RBKS: variants seen among roughly 807,000 people sequenced by gnomAD.
RBKS encodes ribokinase.
Under a neutral mutation model 33.9 loss-of-function variants are expected in RBKS, and 33 were observed. The observed-to-expected ratio is 0.97, with a 90% CI of 0.74 to 1.30. RBKS has a LOEUF of 1.30. Among genes scored for constraint, RBKS ranks in the 50% most tolerant of loss-of-function variants. RBKS has a pLI of 0.00. For synonymous variants in RBKS, 125 were observed against 143.0 expected (o/e 0.87, Z 0.90); for missense variants, 361 against 392.6 (o/e 0.92, Z 0.68).
chr2:27,822,607 C>G (rs181878680), intron 7 of RBKS, among the ~76,000 whole-genome samples: 3 of 152,222 alleles, frequency 2.0e-5, no homozygotes, highest in African/African-American at 7.2e-5. Flanking sequence ...CAGAAATTAT[C>G]TCTACTTCTT....
rs756280443 is a variant in RBKS, at chr2:27,858,577, G to A, written c.90-6C>T. The A allele has an allele frequency of 2.5e-6, 4 of 1,609,226 alleles. No individual in the cohort carries two copies. The highest frequency in any genetic ancestry group is 3.4e-6 in the Non-Finnish European group (4 of 1,178,288). ...TTGGCAAACGAGAAGTAAGACTATT[G>A]TAATTTAAAAAGAGAAGAAAAAAGC... On this transcript the variant is annotated splice_polypyrimidine_tract_variant and splice_region_variant and intron_variant, in intron 1 of 7. Coordinates refer to ENST00000302188, the MANE Select transcript of RBKS (RefSeq NM_022128.3).
chr2:27,800,898 C>A (rs1469288448), intron 7 of RBKS, among the ~76,000 whole-genome samples: 2 of 152,282 alleles, frequency 1.3e-5, no homozygotes, highest in East Asian at 3.9e-4. Context: ...GAAATCCATT[C>A]CCCATGCTTT....
chr2:27,817,948 C>T (rs1403763734), intron 7 of RBKS, among the ~76,000 whole-genome samples: 1 of 152,168 alleles, frequency 6.6e-6, no homozygotes, highest in Non-Finnish European at 1.5e-5. Context: ...CTGGGGATTA[C>T]AATTCGAGAT....
At chr2:27,839,998 CT>C (rs1195900520) in intron 5 of RBKS, among the ~76,000 whole-genome samples, 3 of 151,380 alleles carry the variant, frequency 2.0e-5, no homozygotes, top group Non-Finnish European at 4.4e-5. Flanking sequence ...CAATGGTCTC[CT>C]TTCATTATAC....
At position 27,890,146 on chromosome 2, in the gene RBKS, C is replaced by T. The variant is rs967930469; in HGVS notation, c.89+111G>A. ...GAAAACCTGCAGCTCATACCCAAAG[C>T]TAGCACTGTCTATCCCTGGAGACCC... On this transcript the variant is annotated intron_variant, in intron 1 of 7. Transcript: ENST00000302188. The surrounding 1 kb of genome is among the most constrained non-coding windows in gnomAD (Gnocchi z 4.8). 14 of 946,858 alleles carry T rather than the reference C, an allele frequency of 1.5e-5. No homozygotes were observed. The African/African-American group carries it at 2.1e-4, about 14-fold the overall frequency. The allele number at this position is 946,858 out of a possible 1,614,324, so 58.7% of individuals were successfully genotyped here. A position where few individuals can be genotyped will look rare whatever the true frequency, so the allele number is the denominator to read the frequency against.
intron 7 of RBKS, among the ~76,000 whole-genome samples, chr2:27,793,063 A>T (rs1417576231): frequency 6.6e-6 from 1 of 152,246 alleles, no homozygotes. Context: ...CAATTTACTT[A>T]AAGGATTCTG....
At chr2:27,858,157 T>C (rs112950821) in intron 2 of RBKS, among the ~76,000 whole-genome samples, 2 of 152,312 alleles carry the variant, frequency 1.3e-5, no homozygotes, top group African/African-American at 4.8e-5. Flanking sequence ...CCCGAATAGA[T>C]AAATCCATAG....
At chr2:27,885,869 A>T (rs977132381) in intron 1 of RBKS, among the ~76,000 whole-genome samples, 13 of 152,224 alleles carry the variant, frequency 8.5e-5, no homozygotes, top group Admixed American at 4.6e-4. Context: ...TCTTGAATGA[A>T]TAATTAAAAA....
chr2:27,820,955 G>T (rs962558783), intron 7 of RBKS, among the ~76,000 whole-genome samples: 1 of 147,052 alleles, frequency 6.8e-6, no homozygotes, highest in South Asian at 2.1e-4. Context: ...CAGGAGAATC[G>T]CTTGAACCGG....
At chr2:27,797,201 T>C (rs1442819545) in intron 7 of RBKS, among the ~76,000 whole-genome samples, 3 of 151,886 alleles carry the variant, frequency 2.0e-5, no homozygotes, top group Admixed American at 1.3e-4. Context: ...CCAGGGGAGG[T>C]AGGCTTATTT....
Position 27,832,655 on chromosome 2 carries a change from TCATAGAATGAG to T in RBKS, c.606+20_606+30del, listed in dbSNP as rs759948813. ...TCCACTTGTACAAACTTTTGGTTTC[TCATAGAATGAG>T]CAAAGCAATTCACCCTTACCTCACT... On this transcript the variant is annotated intron_variant, in intron 6 of 7. Coordinates refer to ENST00000302188, the MANE Select transcript of RBKS (RefSeq NM_022128.3). 1 of 1,475,904 alleles carries T rather than the reference TCATAGAATGAG, an allele frequency of 6.8e-7. No individual in the cohort carries two copies. The highest frequency in any genetic ancestry group is 9.5e-7 in the Non-Finnish European group (1 of 1,054,150). The allele number at this position is 1,475,904 out of a possible 1,614,324, so 91.4% of individuals were successfully genotyped here.
At chr2:27,845,335 C>G (rs1420126771) in intron 4 of RBKS, among the ~76,000 whole-genome samples, 1 of 152,202 alleles carries the variant, frequency 6.6e-6, no homozygotes, top group Non-Finnish European at 1.5e-5. Flanking sequence ...TTTAAAGGAG[C>G]TGATTGTCCC....
In RBKS at chr2:27,796,089, G is replaced by T. The variant is rs116540959; in HGVS notation, c.796-14301C>A. Among the ~76,000 whole-genome samples, 1,079 of 152,236 alleles carry T rather than the reference G, an allele frequency of 7.1e-3. 12 individuals are homozygous for T. Among genetic ancestry groups the T allele is most frequent in the African/African-American group, 0.024 (991 of 41,534 alleles). On this transcript the variant is annotated intron_variant, in intron 7 of 7. Coordinates refer to ENST00000302188, the MANE Select transcript of RBKS (RefSeq NM_022128.3). ...TTCTTTTGTGTTAGTGAAAATGAAG[G>T]TTAGGTTGCCATGGCCCAGAGTTAC...
At chr2:27,831,853 T>C (rs1333861317) in intron 6 of RBKS, among the ~76,000 whole-genome samples, 2 of 152,040 alleles carry the variant, frequency 1.3e-5, no homozygotes, top group Non-Finnish European at 2.9e-5. Context: ...AGGTAGAGGC[T>C]GCAGTGAGCC....
chr2:27,882,116 CTAT>C (rs1664428936), intron 1 of RBKS, among the ~76,000 whole-genome samples: 1 of 151,978 alleles, frequency 6.6e-6, no homozygotes, highest in African/African-American at 2.4e-5. Flanking sequence ...GTAAAAGAAA[CTAT>C]TGAGTAAACA....
intron 1 of RBKS, among the ~76,000 whole-genome samples, chr2:27,875,595 C>T (rs991811366): frequency 2.0e-5 from 3 of 152,106 alleles, no homozygotes; most frequent in Admixed American, 2.0e-4. Context: ...TTCCTTTGGC[C>T]TAGAAATTCC....
At chr2:27,864,533 C>CGAA (rs1664049699) in intron 1 of RBKS, among the ~76,000 whole-genome samples, 1 of 152,104 alleles carries the variant, frequency 6.6e-6, no homozygotes, top group African/African-American at 2.4e-5. Context: ...ATGGTCTTCT[C>CGAA]CCATGTTACA....
intron 2 of RBKS, among the ~76,000 whole-genome samples, chr2:27,857,694 C>A (rs1026453264): frequency 6.6e-6 from 1 of 152,166 alleles, no homozygotes; most frequent in Non-Finnish European, 1.5e-5. Context: ...CATTGGAGTA[C>A]GCTAATTTCC....
chr2:27,847,786 C>T (rs1663650743), intron 3 of RBKS, among the ~76,000 whole-genome samples: 1 of 152,232 alleles, frequency 6.6e-6, no homozygotes, highest in South Asian at 2.1e-4. Context: ...ACCTTTTTCT[C>T]CTTGTCATTT....
Sources: gnomAD v4.1 joint callset for allele counts (sites outside exome capture counted in the v4.1 genomes callset) on GRCh38, gnomAD v4.1.1 for gene constraint, Gnocchi (gnomAD v3.1) non-coding constraint, MANE v1.5 for transcripts, NCBI Gene and HGNC (gene_info 2026-07-23, HGNC 2026-07-21) for gene names.